ANXA3: variants seen among roughly 807,000 people sequenced by gnomAD.
ANXA3 encodes the protein 35-alpha calcimedin.
A neutral mutation model predicts 48.8 loss-of-function variants in ANXA3; 46 were observed. That is an observed-to-expected ratio of 0.94 (90% CI 0.74 to 1.21). The LOEUF (loss-of-function observed/expected upper bound fraction) is 1.21, where lower values mean the gene tolerates loss of function less well. ANXA3 is among the 50% of genes most tolerant of loss of function. ANXA3 has a pLI of 0.00. For missense variants in ANXA3, 383 were observed against 378.6 expected (o/e 1.01, Z -0.10); for synonymous variants, 128 against 134.7 (o/e 0.95, Z 0.35).
At chr4:78,569,049 A>G (rs73828031) in intron 2 of ANXA3, among the ~76,000 whole-genome samples, 5,255 of 152,344 alleles carry the variant, frequency 0.034, 341 homozygotes, top group African/African-American at 0.12. Flanking sequence ...AAACGCGCTT[A>G]GCACAGTACT....
At chr4:78,566,299 T>C (rs1266860710) in intron 2 of ANXA3, among the ~76,000 whole-genome samples, 4 of 152,160 alleles carry the variant, frequency 2.6e-5, no homozygotes, top group Non-Finnish European at 4.4e-5. Flanking sequence ...GTTCTCACAT[T>C]CCAGTCCTCT....
intron 6 of ANXA3, among the ~76,000 whole-genome samples, chr4:78,590,008 G>T (rs1034903546): frequency 6.6e-6 from 1 of 152,062 alleles, no homozygotes; most frequent in Non-Finnish European, 1.5e-5. Flanking sequence ...GCCTCAAAAT[G>T]GATAAAGTAG....
At chr4:78,606,203 C>T (rs377303495) in intron 12 of ANXA3, among the ~76,000 whole-genome samples, 2 of 152,144 alleles carry the variant, frequency 1.3e-5, no homozygotes, top group East Asian at 1.9e-4. Context: ...TTGAATGTCT[C>T]GAGGAAATCA....
rs2109937477 is a variant in ANXA3 at position 78,582,177 on chromosome 4, G to T, written c.199G>T (p.Glu67Ter). The T allele has an allele frequency of 6.3e-7, 1 of 1,593,320 alleles. No individual in the cohort carries two copies. Among genetic ancestry groups the T allele is most frequent in the East Asian group, 2.2e-5 (1 of 44,592 alleles). Residue 67 changes from glutamate (E) to a stop codon, truncating the protein, a stop_gained and splice_region_variant, in exon 5 of 13, where the codon GAG (glutamate) becomes TAG (stop). Coordinates refer to ENST00000264908, the MANE Select transcript of ANXA3 (RefSeq NM_005139.3). LOFTEE classifies it high-confidence loss of function. ...VKEYQAAYGK[E>*]LKDDLKGDLS... Reference sequence around the variant, plus strand: ...TTTCCCCTTGGTTTTTTGATTTTAGGAGCTGAAAGATGACTTGAAGGGTGA... The same window carrying T: ...TTTCCCCTTGGTTTTTTGATTTTAGTAGCTGAAAGATGACTTGAAGGGTGA...
In ANXA3 at chr4:78,595,821, T is replaced by TG; in HGVS notation, c.572dup (p.Thr192HisfsTer3). The TG allele has an allele frequency of 6.2e-7, 1 of 1,611,754 alleles. No homozygotes were observed. Among genetic ancestry groups the TG allele is most frequent in the Non-Finnish European group, 8.5e-7 (1 of 1,177,912 alleles). On this transcript the variant is annotated frameshift_variant, in exon 9 of 13. Transcript: ENST00000264908. LOFTEE classifies it high-confidence loss of function. ...TCTCTATAAAGCTGGTGAGAACAGA[T>TG]GGGGCACGGATGAAGACAAATTCAC...
intron 5 of ANXA3, among the ~76,000 whole-genome samples, chr4:78,583,685 A>G (rs1159690485): frequency 6.6e-6 from 1 of 152,074 alleles, no homozygotes. Context: ...TGGTTAGGCA[A>G]GTTCAAAATC....
chr4:78,575,156 T>G (rs1722921162), intron 3 of ANXA3, among the ~76,000 whole-genome samples: 1 of 152,238 alleles, frequency 6.6e-6, no homozygotes, highest in Admixed American at 6.5e-5. Context: ...CTGCTTCCAC[T>G]TTCATATGTC....
In ANXA3 at chr4:78,555,843, CCTAT is replaced by C. The variant is rs1304356623; in HGVS notation, c.15+1360_15+1363del. On this transcript the variant is annotated intron_variant, in intron 2 of 12. Coordinates refer to ENST00000264908, the MANE Select transcript of ANXA3 (RefSeq NM_005139.3). The stretch of plus-strand genomic sequence containing the variant: ...TCCAGCTTGGGTGACAGAGTGAAAC[CCTAT>C]CTATTAAAAAAAAAAAACTCCTGCA... 5.5e-5 allele frequency among the ~76,000 whole-genome samples: 6 copies of C among 108,710 alleles called. No individual in the cohort carries two copies. The Admixed American group carries it at 5.9e-4, about 11-fold the overall frequency. 71.3% of individuals were successfully genotyped at this position (108,710 alleles called of 152,430 possible). A position where few individuals can be genotyped will look rare whatever the true frequency, so the allele number is the denominator to read the frequency against.
At chr4:78,576,121 T>C (rs1218521433) in intron 3 of ANXA3, among the ~76,000 whole-genome samples, 6 of 152,342 alleles carry the variant, frequency 3.9e-5, no homozygotes, top group Admixed American at 2.0e-4. Context: ...ACACTAAATA[T>C]CTACCAGGCA....
In ANXA3 at chr4:78,551,782, C is replaced by T. The variant is rs888837647; in HGVS notation, c.-116C>T. The stretch of plus-strand genomic sequence containing the variant: ...CGGACCCGGAGCCAGCGCGGAGCAC[C>T]TGCGCCCGCGGCTGACACCTTCGCT... On this transcript the variant is annotated 5_prime_UTR_variant, in exon 1 of 13. Transcript: ENST00000264908. 1.3e-5 allele frequency: 2 copies of T among 152,358 alleles called. No individual in the cohort carries two copies. The highest frequency in any genetic ancestry group is 4.8e-5 in the African/African-American group (2 of 41,476). The allele number at this position is 152,358 out of a possible 1,614,324, so 9.4% of individuals were successfully genotyped here.
chr4:78,578,656 T>C (rs1362369459), intron 3 of ANXA3, among the ~76,000 whole-genome samples: 1 of 152,082 alleles, frequency 6.6e-6, no homozygotes, highest in Non-Finnish European at 1.5e-5. Context: ...GAAGAAATAT[T>C]TTGATATCAA....
At chr4:78,579,831 A>C (rs183153843) in intron 4 of ANXA3, among the ~76,000 whole-genome samples, 1 of 152,216 alleles carries the variant, frequency 6.6e-6, no homozygotes, top group Non-Finnish European at 1.5e-5. Context: ...CGGGAGGCTG[A>C]GGGCTGAGGC....
Position 78,591,616 on chromosome 4 carries a change from T to A in ANXA3, c.476T>A (p.Leu159Ter), listed in dbSNP as rs750982969. 16 of 1,612,824 alleles carry A rather than the reference T, an allele frequency of 9.9e-6. No homozygotes were observed. Among genetic ancestry groups the A allele is most frequent in the Non-Finnish European group, 1.4e-5 (16 of 1,179,044 alleles). The change falls in exon 7 of 13, where the codon TTG becomes TAG. Residue 159 changes from leucine (L) to a stop codon, truncating the protein, a stop_gained. Coordinates refer to ENST00000264908, the MANE Select transcript of ANXA3 (RefSeq NM_005139.3). LOFTEE classifies it high-confidence loss of function. ...SGDFRKALLT[L>*]ADGRRDESLK... ...GACTTCCGGAAAGCTCTGTTGACTT[T>A]GGCAGATGTAAGGTTTTATTTTTTA...
chr4:78,591,275 A>G (rs1723290231), intron 6 of ANXA3, among the ~76,000 whole-genome samples: 1 of 152,188 alleles, frequency 6.6e-6, no homozygotes, highest in Non-Finnish European at 1.5e-5. Context: ...TGCATCCCTT[A>G]GTGCCATTGT....
At chr4:78,607,829 G>C (rs1215233641) in intron 12 of ANXA3, among the ~76,000 whole-genome samples, 2 of 152,180 alleles carry the variant, frequency 1.3e-5, no homozygotes, top group Non-Finnish European at 2.9e-5. Context: ...AGCATGTGTT[G>C]AGTGTCTCCT....
intron 12 of ANXA3, among the ~76,000 whole-genome samples, chr4:78,608,880 A>G (rs530118639): frequency 6.6e-6 from 1 of 152,260 alleles, no homozygotes; most frequent in African/African-American, 2.4e-5. Flanking sequence ...AGTTACTTGG[A>G]TGTATTTTCT....
chr4:78,605,647 G>T (rs1578406062), intron 12 of ANXA3, among the ~76,000 whole-genome samples: 1 of 152,014 alleles, frequency 6.6e-6, no homozygotes, highest in East Asian at 1.9e-4. Context: ...AAAAAATCTG[G>T]TCCCTTCTGT....
At chr4:78,583,211 G>T (rs971746821) in intron 5 of ANXA3, among the ~76,000 whole-genome samples, 5 of 152,076 alleles carry the variant, frequency 3.3e-5, no homozygotes, top group Non-Finnish European at 7.4e-5. Context: ...GCATAGTAGT[G>T]CATTCCTGTA....
intron 11 of ANXA3, chr4:78,603,357 T>C (rs1258282363): frequency 1.3e-5 from 2 of 152,190 alleles, no homozygotes; most frequent in African/African-American, 4.8e-5. Context: ...ACCTAACTGC[T>C]CAGCTAGAAA....
Sources: allele counts gnomAD v4.1 joint callset (sites outside exome capture counted in the v4.1 genomes callset), GRCh38; gene constraint gnomAD v4.1.1; transcripts MANE v1.5; gene names NCBI Gene and HGNC (gene_info 2026-07-23, HGNC 2026-07-21).